Variants in BMP6 observed in about 807,000 individuals in gnomAD.
The protein encoded by BMP6 is VG-1-R.
In BMP6, 17 loss-of-function variants were observed where a neutral mutation model predicts 54.1. The ratio of observed to expected loss-of-function variants is 0.31; its 90% CI spans 0.22 to 0.47. The LOEUF is 0.47. BMP6 is among the 20% of genes least tolerant of loss of function. BMP6 has a pLI of 1.00. For missense variants in BMP6, 720 were observed against 690.4 expected (o/e 1.04, Z -0.48); for synonymous variants, 328 against 291.2 (o/e 1.13, Z -1.28).
chr6:7,863,190 G>A (rs889853726), intron 4 of BMP6, among the ~76,000 whole-genome samples: 1 of 152,096 alleles, frequency 6.6e-6, no homozygotes, highest in African/African-American at 2.4e-5. Context: ...AGTAAAGACA[G>A]GATTTCACCA....
intron 1 of BMP6, among the ~76,000 whole-genome samples, chr6:7,728,344 C>T (rs1171255908): frequency 6.6e-6 from 1 of 152,210 alleles, no homozygotes; most frequent in African/African-American, 2.4e-5. Context: ...CAATGCAGCC[C>T]AAGCTGCACG....
chr6:7,797,807 A>G (rs1232981145), intron 1 of BMP6, among the ~76,000 whole-genome samples: 1 of 152,218 alleles, frequency 6.6e-6, no homozygotes, highest in Non-Finnish European at 1.5e-5. Context: ...CCTCAAAATG[A>G]AAAGCAAATT....
In BMP6 at chr6:7,727,202, A is replaced by T. The variant is rs1325248514; in HGVS notation, c.247A>T (p.Ile83Phe). The T allele has an allele frequency of 1.6e-5, 26 of 1,604,412 alleles. No homozygotes were observed. The highest frequency in any genetic ancestry group is 2.1e-5 in the Non-Finnish European group (25 of 1,176,392). ...GGAGAAGCGGGAGATGCAGAAGGAGATCTTGTCGGTGCTGGGGCTCCCGCA... is the reference window on the plus strand; with the variant it reads ...GGAGAAGCGGGAGATGCAGAAGGAGTTCTTGTCGGTGCTGGGGCTCCCGCA... ...TQEKREMQKEILSVLGLPHRP... is the reference protein window; with the variant it reads ...TQEKREMQKEFLSVLGLPHRP... The change falls in exon 1 of 7, where the codon ATC becomes TTC. Residue 83 changes from isoleucine (I) to phenylalanine (F), a missense_variant. Transcript: ENST00000283147.
chr6:7,817,011 C>G (rs1201927284), intron 1 of BMP6, among the ~76,000 whole-genome samples: 1 of 152,018 alleles, frequency 6.6e-6, no homozygotes, highest in Non-Finnish European at 1.5e-5. Flanking sequence ...TCAATAAACT[C>G]AGAAACAAAG....
intron 1 of BMP6, among the ~76,000 whole-genome samples, chr6:7,813,386 C>T (rs1758469221): frequency 7.8e-6 from 1 of 128,898 alleles, no homozygotes; most frequent in South Asian, 2.4e-4. Context: ...CTTTTGGAGG[C>T]CAAGGCAAGA....
intron 1 of BMP6, among the ~76,000 whole-genome samples, chr6:7,767,029 C>G (rs1303037719): frequency 6.7e-6 from 1 of 149,940 alleles, no homozygotes; most frequent in Non-Finnish European, 1.5e-5. Context: ...CTCTGTCACC[C>G]AGGCTGGGGT....
At chr6:7,784,959 C>A (rs933406919) in intron 1 of BMP6, among the ~76,000 whole-genome samples, 1 of 152,200 alleles carries the variant, frequency 6.6e-6, no homozygotes, top group African/African-American at 2.4e-5. Context: ...GAAGGGGAAG[C>A]CCCTAGAACT....
At chr6:7,869,448 G>A (rs903139122) in intron 4 of BMP6, among the ~76,000 whole-genome samples, 5 of 152,226 alleles carry the variant, frequency 3.3e-5, no homozygotes, top group African/African-American at 1.2e-4. Context: ...CCTGCATTGG[G>A]GGTATAGGCA....
chr6:7,808,245 T>C (rs891968007), intron 1 of BMP6, among the ~76,000 whole-genome samples: 3 of 152,186 alleles, frequency 2.0e-5, no homozygotes, highest in Non-Finnish European at 4.4e-5. Context: ...AAAGAAAATA[T>C]GCATATAAAG....
chr6:7,727,783 C>T (rs1228958612), intron 1 of BMP6, among the ~76,000 whole-genome samples, 164 bp downstream of exon 1: 1 of 151,490 alleles, frequency 6.6e-6, no homozygotes, highest in Non-Finnish European at 1.5e-5. Context: ...ACCTGCGCGG[C>T]GGTGGGCGGC....
At chr6:7,751,168 A>G (rs1428672585) in intron 1 of BMP6, among the ~76,000 whole-genome samples, 1 of 152,238 alleles carries the variant, frequency 6.6e-6, no homozygotes, top group Non-Finnish European at 1.5e-5. Context: ...ACGTTTTACT[A>G]AGAGTACTCG....
At position 7,817,544 on chromosome 6, in the gene BMP6, G is replaced by A. The variant is rs369967944; in HGVS notation, c.665-27596G>A. Among the ~76,000 whole-genome samples, 78 of 146,498 alleles carry A rather than the reference G, an allele frequency of 5.3e-4. No individual in the cohort carries two copies. In the East Asian group the frequency reaches 0.011, roughly 20 times the overall value. On this transcript the variant is annotated intron_variant, in intron 1 of 6. Coordinates refer to ENST00000283147, the MANE Select transcript of BMP6 (RefSeq NM_001718.6). ...AACAATGAGAACACTTGGACACAGG[G>A]CGGGGAACATCACACACGGGGGCCT...
intron 1 of BMP6, among the ~76,000 whole-genome samples, chr6:7,817,126 T>C (rs1405199373): frequency 6.6e-6 from 1 of 152,220 alleles, no homozygotes; most frequent in Non-Finnish European, 1.5e-5. Flanking sequence ...TTTTTAACTT[T>C]ACAATTTGTA....
At chr6:7,809,126 A>C (rs1036121408) in intron 1 of BMP6, among the ~76,000 whole-genome samples, 2 of 148,262 alleles carry the variant, frequency 1.3e-5, no homozygotes, top group Non-Finnish European at 3.0e-5. Context: ...CCAAAAAAAA[A>C]ACGCTTTTTA....
chr6:7,806,724 A>T lies in BMP6; in HGVS notation c.665-38416A>T, dbSNP rs114387810. On this transcript the variant is annotated intron_variant, in intron 1 of 6. Transcript: ENST00000283147. Reference sequence around the variant, plus strand: ...CTTTTCTTGGGTTGGATAATTTTAAATATTTTATACATCCTAATGAAATTA... The same window carrying T: ...CTTTTCTTGGGTTGGATAATTTTAATTATTTTATACATCCTAATGAAATTA... Among the ~76,000 whole-genome samples, 1,239 of 152,270 alleles carry T rather than the reference A, an allele frequency of 8.1e-3. 13 individuals are homozygous for T. Among genetic ancestry groups the T allele is most frequent in the African/African-American group, 0.028 (1,151 of 41,560 alleles).
At chr6:7,793,601 G>T (rs1758145085) in intron 1 of BMP6, among the ~76,000 whole-genome samples, 1 of 152,170 alleles carries the variant, frequency 6.6e-6, no homozygotes, top group African/African-American at 2.4e-5. Flanking sequence ...TGATATGGGG[G>T]AGGCTGTGCT....
chr6:7,824,993 G>A (rs1232867114), intron 1 of BMP6, among the ~76,000 whole-genome samples: 3 of 152,124 alleles, frequency 2.0e-5, no homozygotes, highest in South Asian at 2.1e-4. Flanking sequence ...ATTCACTATC[G>A]GGATTCACAC....
rs201736915 is a variant in BMP6 at position 7,745,166 on chromosome 6, G to T, written c.664+17547G>T. Among the ~76,000 whole-genome samples the T allele has an allele frequency of 1.7e-4, 26 of 152,294 alleles. No individual in the cohort carries two copies. In the East Asian group the frequency reaches 5.0e-3, roughly 29 times the overall value. On this transcript the variant is annotated intron_variant, in intron 1 of 6. Transcript: ENST00000283147. ...TGCCCAAAAGATCTATTTATAAAAG[G>T]ATTTCAAATAGCCTATGAAGGAAAA...
chr6:7,777,320 T>C (rs1266439627), intron 1 of BMP6, among the ~76,000 whole-genome samples: 1 of 152,230 alleles, frequency 6.6e-6, no homozygotes, highest in Non-Finnish European at 1.5e-5. Flanking sequence ...TTCAGGCACA[T>C]ACTTCAAACG....
Sources: gnomAD v4.1 joint callset for allele counts (sites outside exome capture counted in the v4.1 genomes callset) on GRCh38, gnomAD v4.1.1 for gene constraint, MANE v1.5 for transcripts, NCBI Gene and HGNC (gene_info 2026-07-23, HGNC 2026-07-21) for gene names.